The following MYT1L variants were observed in gnomAD, a reference collection of about 807,000 sequenced individuals.
MYT1L encodes the protein myelin transcription factor 1-like protein.
Under a neutral mutation model 126.7 loss-of-function variants are expected in MYT1L, and 12 were observed. The observed-to-expected ratio is 0.09, with a 90% CI of 0.06 to 0.15. The LOEUF is 0.15. Among genes scored for constraint, MYT1L ranks in the 10% least tolerant of loss-of-function variants. MYT1L has a pLI of 1.00. For synonymous variants in MYT1L, 541 were observed against 604.2 expected (o/e 0.90, Z 1.53); for missense variants, 979 against 1,585.2 (o/e 0.62, Z 6.49).
chr2:2,002,901 G>T (rs1300071708), intron 4 of MYT1L, among the ~76,000 whole-genome samples: 1 of 152,134 alleles, frequency 6.6e-6, no homozygotes, highest in Non-Finnish European at 1.5e-5. Flanking sequence ...ACCTTGTGAA[G>T]AAGGTGCCTT....
intron 21 of MYT1L, among the ~76,000 whole-genome samples, chr2:1,832,985 C>T (rs1261852578): frequency 6.6e-6 from 1 of 152,210 alleles, no homozygotes; most frequent in African/African-American, 2.4e-5. Context: ...ATCATCGGTG[C>T]TGGTGGAGGC....
At chr2:2,249,918 A>G (rs908964065) in intron 2 of MYT1L, among the ~76,000 whole-genome samples, 24 of 152,184 alleles carry the variant, frequency 1.6e-4, no homozygotes, top group African/African-American at 4.6e-4. Context: ...GCATATGAAA[A>G]GGTGTTCAAC....
intron 3 of MYT1L, among the ~76,000 whole-genome samples, chr2:2,155,220 G>A (rs2086530052): frequency 1.3e-5 from 2 of 152,154 alleles, no homozygotes; most frequent in South Asian, 4.1e-4. Flanking sequence ...GGACTGAATT[G>A]TTATAATTGG....
At chr2:2,238,289 T>C (rs2094366763) in intron 2 of MYT1L, among the ~76,000 whole-genome samples, 1 of 152,162 alleles carries the variant, frequency 6.6e-6, no homozygotes, top group Admixed American at 6.5e-5. Flanking sequence ...GGTACCCTGC[T>C]GTCCGGGCCT....
intron 3 of MYT1L, among the ~76,000 whole-genome samples, chr2:2,145,622 A>G (rs1191581603): frequency 6.7e-6 from 1 of 149,724 alleles, no homozygotes; most frequent in Non-Finnish European, 1.5e-5. Flanking sequence ...ATCCACTGGA[A>G]AAAAAATACA....
intron 5 of MYT1L, among the ~76,000 whole-genome samples, chr2:1,996,887 A>G (rs1490028269): frequency 3.5e-4 from 28 of 79,792 alleles, no homozygotes; most frequent in Admixed American, 6.8e-4. Flanking sequence ...TTCAGTGTGG[A>G]CTGCATGGAA....
chr2:2,109,581 A>T (rs2150560172), intron 3 of MYT1L, among the ~76,000 whole-genome samples: 1 of 152,282 alleles, frequency 6.6e-6, no homozygotes, highest in African/African-American at 2.4e-5. Context: ...ACTGGTATAA[A>T]AAAAGAAATT....
At chr2:2,121,074 G>A (rs1214603045) in intron 3 of MYT1L, among the ~76,000 whole-genome samples, 4 of 152,216 alleles carry the variant, frequency 2.6e-5, no homozygotes, top group African/African-American at 4.8e-5. Flanking sequence ...CCAGCCCGTG[G>A]ATCGAACTGC....
intron 18 of MYT1L, among the ~76,000 whole-genome samples, chr2:1,855,783 T>G (rs1265459162): frequency 6.6e-6 from 1 of 152,020 alleles, no homozygotes; most frequent in African/African-American, 2.4e-5. Flanking sequence ...CCCACGGATA[T>G]TTTCAAGACA....
chr2:2,132,407 A>AC (rs2082493061), intron 3 of MYT1L, among the ~76,000 whole-genome samples: 1 of 152,200 alleles, frequency 6.6e-6, no homozygotes, highest in Non-Finnish European at 1.5e-5. Context: ...CATAAAAGAG[A>AC]ATGAGTTCAT....
chr2:2,291,523 A>G (rs759994861), intron 1 of MYT1L, among the ~76,000 whole-genome samples: 16 of 152,230 alleles, frequency 1.1e-4, no homozygotes, highest in Non-Finnish European at 1.9e-4. Flanking sequence ...CTTTGTCCTG[A>G]AGAAGCTCAT....
chr2:2,214,717 T>G (rs1343340551), intron 2 of MYT1L, among the ~76,000 whole-genome samples: 1 of 152,120 alleles, frequency 6.6e-6, no homozygotes, highest in Non-Finnish European at 1.5e-5. Flanking sequence ...TACAGAAATA[T>G]GAAATGAAGT....
intron 2 of MYT1L, among the ~76,000 whole-genome samples, chr2:2,187,734 T>C (rs2092314551): frequency 2.0e-5 from 3 of 152,210 alleles, no homozygotes; most frequent in African/African-American, 7.2e-5. Context: ...GGCTGTTTAG[T>C]TGGCCAATAT....
At chr2:2,083,644 G>A (rs916843264) in intron 3 of MYT1L, among the ~76,000 whole-genome samples, 47 of 152,244 alleles carry the variant, frequency 3.1e-4, no homozygotes, top group African/African-American at 1.0e-3. Context: ...AGAGGACTGA[G>A]AAATCTGACA....
At chr2:2,067,079 A>C (rs781236638) in intron 3 of MYT1L, among the ~76,000 whole-genome samples, 1 of 152,216 alleles carries the variant, frequency 6.6e-6, no homozygotes, top group Non-Finnish European at 1.5e-5. Context: ...ACTTACAAGG[A>C]GCTTTATAGG....
rs1435279717 is a variant in MYT1L at position 2,259,444 on chromosome 2, G to A, written c.-421+24960C>T. Among the ~76,000 whole-genome samples, 4 of 150,994 alleles carry A rather than the reference G, an allele frequency of 2.6e-5. No individual in the cohort carries two copies. The East Asian group carries it at 7.8e-4, about 29-fold the overall frequency. ...AATGGAACTATGTGAGGTGATAGAT[G>A]TATTAGTTAGCTTGATTGTGGTATC... is the stretch of plus-strand genomic sequence containing the variant. On this transcript the variant is annotated intron_variant, in intron 2 of 24. Coordinates refer to ENST00000647738, the MANE Select transcript of MYT1L (RefSeq NM_001303052.2).
chr2:2,257,728 C>T (rs1437181922), intron 2 of MYT1L, among the ~76,000 whole-genome samples: 1 of 147,370 alleles, frequency 6.8e-6, no homozygotes, highest in East Asian at 1.9e-4. Context: ...AACCACTGCT[C>T]AAGGAAATAA....
chr2:2,197,021 C>A (rs763076558), intron 2 of MYT1L, among the ~76,000 whole-genome samples: 7 of 151,858 alleles, frequency 4.6e-5, no homozygotes, highest in African/African-American at 9.7e-5. Flanking sequence ...TATTACAGTG[C>A]GAATGTTAAG....
chr2:2,296,390 G>C (rs2095694347), intron 1 of MYT1L, among the ~76,000 whole-genome samples: 1 of 152,080 alleles, frequency 6.6e-6, no homozygotes, highest in African/African-American at 2.4e-5. Flanking sequence ...GAAAAAATGT[G>C]ATTCACAATG....
Sources: gnomAD v4.1 joint callset for allele counts (sites outside exome capture counted in the v4.1 genomes callset) on GRCh38, gnomAD v4.1.1 for gene constraint, MANE v1.5 for transcripts, NCBI Gene and HGNC (gene_info 2026-07-23, HGNC 2026-07-21) for gene names.